GPSM2: variants seen among roughly 807,000 people sequenced by gnomAD.
The protein encoded by GPSM2 is G protein-signaling modulator 2.
GPSM2 carries 58 observed loss-of-function variants against 78.4 expected under a neutral mutation model. The observed-to-expected ratio is 0.74, with a 90% CI of 0.60 to 0.92. The LOEUF (loss-of-function observed/expected upper bound fraction) is 0.92, where lower values mean the gene tolerates loss of function less well. Among genes scored for constraint, GPSM2 ranks in the 40% least tolerant of loss-of-function variants. The pLI is 0.00. For missense variants in GPSM2, 700 were observed against 815.5 expected (o/e 0.86, Z 1.73); for synonymous variants, 224 against 280.2 (o/e 0.80, Z 2.00).
rs193209534 is a variant in GPSM2 at position 108,905,266 on chromosome 1, G to A, written c.1192+1012G>A. On this transcript the variant is annotated intron_variant, in intron 10 of 14. Coordinates refer to ENST00000264126, the MANE Select transcript of GPSM2 (RefSeq NM_013296.5). ...CTTTAAAAAGCAAAAACAAACAGTC[G>A]CTTGTCTTCATAGACCCTTCTAGCT... is the stretch of plus-strand genomic sequence containing the variant. Among the ~76,000 whole-genome samples the A allele has an allele frequency of 5.9e-5, 9 of 152,296 alleles. No individual in the cohort carries two copies. The East Asian group carries it at 9.6e-4, about 16-fold the overall frequency.
intron 12 of GPSM2, among the ~76,000 whole-genome samples, chr1:108,922,047 T>C (rs951934642): frequency 7.8e-6 from 1 of 128,926 alleles, no homozygotes; most frequent in African/African-American, 3.6e-5. Flanking sequence ...GAAAATACAC[T>C]TGTTTTCTTT....
intron 1 of GPSM2, among the ~76,000 whole-genome samples, chr1:108,879,854 C>T (rs1051223471): frequency 2.6e-5 from 4 of 152,164 alleles, no homozygotes; most frequent in Admixed American, 1.3e-4. Context: ...TATGCTTCTG[C>T]CACATGTTCA....
At position 108,880,944 on chromosome 1, in the gene GPSM2, A is replaced by T. The variant is rs7367580; in HGVS notation, c.-249+3716A>T. Among the ~76,000 whole-genome samples the T allele has an allele frequency of 3.5e-3, 539 of 152,274 alleles. 10 individuals carry two copies. Among genetic ancestry groups the T allele is most frequent in the Admixed American group, 0.027 (415 of 15,300 alleles). On this transcript the variant is annotated intron_variant, in intron 1 of 14. Coordinates refer to ENST00000264126, the MANE Select transcript of GPSM2 (RefSeq NM_013296.5). ...GCACAAAATGTAACCTGGTTTGCAA[A>T]CTTTTTACTGCCAGTGGAGTAAAGC...
At chr1:108,917,595 T>TACACACACAAACACACACACAC (rs1650327919) in intron 11 of GPSM2, among the ~76,000 whole-genome samples, 1 of 57,278 alleles carries the variant, frequency 1.7e-5, no homozygotes, top group Non-Finnish European at 3.3e-5. Context: ...AACAAATGTA[T>TACACACACAAACACACACACAC]ACACACACAC....
chr1:108,900,946 G>A lies in GPSM2; in HGVS notation c.798-844G>A, dbSNP rs555506092. Among the ~76,000 whole-genome samples the A allele has an allele frequency of 2.0e-5, 3 of 152,270 alleles. No individual in the cohort carries two copies. In the East Asian group the frequency reaches 5.8e-4, roughly 29 times the overall value. On this transcript the variant is annotated intron_variant, in intron 7 of 14. Transcript: ENST00000264126. ...ATACTATTTGACAGAAATAATGGGA[G>A]GGTCATTTAAATTACTGAATCCAAA...
intron 12 of GPSM2, among the ~76,000 whole-genome samples, chr1:108,921,325 C>T (rs930330977): frequency 6.6e-6 from 1 of 151,802 alleles, no homozygotes; most frequent in Non-Finnish European, 1.5e-5. Flanking sequence ...GAGGCTGAGG[C>T]AGGAGAATTG....
chr1:108,916,031 C>T (rs1270106524), intron 11 of GPSM2, among the ~76,000 whole-genome samples: 1 of 149,506 alleles, frequency 6.7e-6, no homozygotes, highest in Admixed American at 6.6e-5. Context: ...CACTTGAACC[C>T]CAGAGTTTGA....
At chr1:108,896,287 C>G (rs895077559) in intron 2 of GPSM2, among the ~76,000 whole-genome samples, 2 of 151,978 alleles carry the variant, frequency 1.3e-5, no homozygotes, top group Admixed American at 6.6e-5. Flanking sequence ...TCTTACAGAT[C>G]AAGAATATTT....
In GPSM2 at chr1:108,883,572, C is replaced by CT. The variant is rs879674602; in HGVS notation, c.-248-1700dup. ...TGTTTATAACACTGAGATTCCAGGA[C>CT]TTTATGATTGTATATCTACCAATTT... On this transcript the variant is annotated intron_variant, in intron 1 of 14. Coordinates refer to ENST00000264126, the MANE Select transcript of GPSM2 (RefSeq NM_013296.5). Among the ~76,000 whole-genome samples the CT allele has an allele frequency of 1.8e-4, 28 of 152,258 alleles. 1 individual carries two copies. The highest frequency in any genetic ancestry group is 3.4e-4 in the Non-Finnish European group (23 of 68,030).
In GPSM2 at chr1:108,934,276, C is replaced by T. The variant is rs1159849265; in HGVS notation, c.*4336C>T. 5.5e-6 allele frequency: 1 copy of T among 180,572 alleles called. No individual in the cohort carries two copies. Among genetic ancestry groups the T allele is most frequent in the Non-Finnish European group, 1.2e-5 (1 of 84,940 alleles). The allele number at this position is 180,572 out of a possible 1,614,324, so 11.2% of individuals were successfully genotyped here. ...GGAGGCATCAAGTGGGTGGCCTTAA[C>T]TCTAGTGGATTCACTAGGCAATGTA... is the stretch of plus-strand genomic sequence containing the variant. On this transcript the variant is annotated 3_prime_UTR_variant, in exon 15 of 15. Transcript: ENST00000264126.
intron 12 of GPSM2, 60 bp from the exon 13 acceptor site, chr1:108,922,357 G>A: frequency 8.1e-7 from 1 of 1,229,842 alleles, no homozygotes; most frequent in Non-Finnish European, 1.2e-6. Context: ...GATGTTCATT[G>A]ATGATCTAAA....
At chr1:108,928,519 T>A (rs763928278) in intron 14 of GPSM2, among the ~76,000 whole-genome samples, 1 of 152,246 alleles carries the variant, frequency 6.6e-6, no homozygotes, top group Non-Finnish European at 1.5e-5. Context: ...TGGGCTTAAA[T>A]GTTCAGGGAT....
rs35520362 is a variant in GPSM2, at chr1:108,877,219, C to T, written c.-258C>T. ...TCACCGCGTACCCGGGACCCGCCCG[C>T]CCGCGGGAGGTGAGCGCTTCCGCGA... On this transcript the variant is annotated 5_prime_UTR_variant, in exon 1 of 15. Transcript: ENST00000264126. The T allele has an allele frequency of 0.093, 14,183 of 152,204 alleles. 708 individuals are homozygous for T. Among genetic ancestry groups the T allele is most frequent in the Non-Finnish European group, 0.1 (6,974 of 68,028 alleles). The allele number at this position is 152,204 out of a possible 1,614,324, so 9.4% of individuals were successfully genotyped here.
Position 108,930,112 on chromosome 1 carries a change from C to G in GPSM2, c.*172C>G, listed in dbSNP as rs146011998. The stretch of plus-strand genomic sequence containing the variant: ...AGGCATTAATACTTCTCTGGACATG[C>G]GCGTTTGAGGGTGGAGGGGTCCTGT... On this transcript the variant is annotated 3_prime_UTR_variant, in exon 15 of 15. Coordinates refer to ENST00000264126, the MANE Select transcript of GPSM2 (RefSeq NM_013296.5). 3.1e-6 allele frequency: 2 copies of G among 644,198 alleles called. No homozygotes were observed. The highest frequency in any genetic ancestry group is 5.3e-6 in the Non-Finnish European group (2 of 380,924). 39.9% of individuals were successfully genotyped at this position (644,198 alleles called of 1,614,324 possible). A position where few individuals can be genotyped will look rare whatever the true frequency, so the allele number is the denominator to read the frequency against.
At chr1:108,921,798 TCTC>T (rs1160863476) in intron 12 of GPSM2, among the ~76,000 whole-genome samples, 2 of 152,272 alleles carry the variant, frequency 1.3e-5, no homozygotes, top group East Asian at 1.9e-4. Context: ...TTAGTTCCTC[TCTC>T]CTCCTCAGGC....
chr1:108,920,951 T>TGTA (rs1363801498), intron 12 of GPSM2, among the ~76,000 whole-genome samples: 3 of 152,096 alleles, frequency 2.0e-5, no homozygotes, highest in Non-Finnish European at 4.4e-5. Flanking sequence ...CTGTAGCTTA[T>TGTA]GTATGTATCA....
chr1:108,879,847 G>C (rs946292546), intron 1 of GPSM2, among the ~76,000 whole-genome samples: 1 of 152,118 alleles, frequency 6.6e-6, no homozygotes, highest in African/African-American at 2.4e-5. Flanking sequence ...ATGAATATAT[G>C]CTTCTGCCAC....
intron 2 of GPSM2, among the ~76,000 whole-genome samples, chr1:108,895,644 A>T (rs1352622154): frequency 6.6e-6 from 1 of 152,052 alleles, no homozygotes; most frequent in Non-Finnish European, 1.5e-5. Flanking sequence ...ATGCCTGATG[A>T]TCTGTCACTG....
At position 108,899,011 on chromosome 1, in the gene GPSM2, T is replaced by G; in HGVS notation, c.797+17T>G. On this transcript the variant is annotated intron_variant, in intron 7 of 14. Coordinates refer to ENST00000264126, the MANE Select transcript of GPSM2 (RefSeq NM_013296.5). ...ATACTACAAGTTAGTCTAATATTTC[T>G]GTAGATAAATGTAAAATGAATACTC... is the stretch of plus-strand genomic sequence containing the variant. 2 of 1,310,234 alleles carry G rather than the reference T, an allele frequency of 1.5e-6. No individual in the cohort carries two copies. Among genetic ancestry groups the G allele is most frequent in the South Asian group, 1.2e-5 (1 of 84,758 alleles). 81.2% of individuals were successfully genotyped at this position (1,310,234 alleles called of 1,614,324 possible). A position where few individuals can be genotyped will look rare whatever the true frequency, so the allele number is the denominator to read the frequency against.
Sources: gnomAD v4.1 joint callset for allele counts (sites outside exome capture counted in the v4.1 genomes callset) on GRCh38, gnomAD v4.1.1 for gene constraint, MANE v1.5 for transcripts, NCBI Gene and HGNC (gene_info 2026-07-23, HGNC 2026-07-21) for gene names.